Variants in GABRB2 observed in about 807,000 individuals in gnomAD.
The protein encoded by GABRB2 is gamma-aminobutyric acid type A receptor subunit beta2, also known as gamma-aminobutyric acid receptor subunit beta-2.
Under a neutral mutation model 54.7 loss-of-function variants are expected in GABRB2, and 16 were observed. That is an observed-to-expected ratio of 0.29 (90% CI 0.20 to 0.44). GABRB2 has a LOEUF of 0.44. Among genes scored for constraint, GABRB2 ranks in the 20% least tolerant of loss-of-function variants. The pLI, the probability that GABRB2 is intolerant of heterozygous loss-of-function variation, is 1.00. For synonymous variants in GABRB2, 244 were observed against 233.8 expected (o/e 1.04, Z -0.40); for missense variants, 355 against 644.0 (o/e 0.55, Z 4.86).
At chr5:161,462,419 A>C (rs1476011968) in intron 3 of GABRB2, among the ~76,000 whole-genome samples, 1 of 152,216 alleles carries the variant, frequency 6.6e-6, no homozygotes, top group Non-Finnish European at 1.5e-5. Context: ...AAAATAAAAC[A>C]TGCAATTAAT....
chr5:161,329,065 G>A (rs1753751674), intron 8 of GABRB2, among the ~76,000 whole-genome samples: 1 of 152,038 alleles, frequency 6.6e-6, no homozygotes, highest in Admixed American at 6.6e-5. Context: ...AGCTCTGCAG[G>A]TTCAGTTTGT....
chr5:161,377,928 AT>A (rs1755357702), intron 5 of GABRB2, among the ~76,000 whole-genome samples: 1 of 152,034 alleles, frequency 6.6e-6, no homozygotes, highest in South Asian at 2.1e-4. Flanking sequence ...ATTTGTATGT[AT>A]TTTTATTACA....
intron 3 of GABRB2, among the ~76,000 whole-genome samples, chr5:161,520,572 A>T (rs1760083141): frequency 6.6e-6 from 1 of 152,060 alleles, no homozygotes; most frequent in Non-Finnish European, 1.5e-5. Context: ...ATCTTCACCC[A>T]ACTTCAAGAG....
At position 161,545,297 on chromosome 5, in the gene GABRB2, G is replaced by T; in HGVS notation, c.170-3C>A. The T allele has an allele frequency of 6.3e-7, 1 of 1,592,884 alleles. No homozygotes were observed. The highest frequency in any genetic ancestry group is 1.8e-5 in the Admixed American group (1 of 55,140). On this transcript the variant is annotated splice_polypyrimidine_tract_variant and splice_region_variant and intron_variant, in intron 2 of 9. Transcript: ENST00000393959. Reference sequence around the variant, plus strand: ...CATCCCCACAGCCACGGGGGGACCTGCAAAGCAAGACGGCCAGCCACGTGA... The same window carrying T: ...CATCCCCACAGCCACGGGGGGACCTTCAAAGCAAGACGGCCAGCCACGTGA...
intron 9 of GABRB2, among the ~76,000 whole-genome samples, chr5:161,322,840 T>G (rs1758251526): frequency 6.6e-6 from 1 of 152,160 alleles, no homozygotes; most frequent in Non-Finnish European, 1.5e-5. Context: ...AGGATTGCTT[T>G]GCCTTCATTT....
intron 5 of GABRB2, among the ~76,000 whole-genome samples, chr5:161,339,420 T>A (rs930346477): frequency 2.6e-5 from 4 of 152,056 alleles, no homozygotes; most frequent in Non-Finnish European, 5.9e-5. Context: ...GATACTGGGT[T>A]TAAGATGCCC....
intron 4 of GABRB2, among the ~76,000 whole-genome samples, chr5:161,433,201 T>C (rs1364848187): frequency 6.6e-6 from 1 of 152,158 alleles, no homozygotes; most frequent in Non-Finnish European, 1.5e-5. Flanking sequence ...CATGTATATA[T>C]CTACAGATAA....
chr5:161,300,942 T>G (rs1228026164), intron 9 of GABRB2, among the ~76,000 whole-genome samples: 3 of 152,158 alleles, frequency 2.0e-5, no homozygotes, highest in African/African-American at 7.2e-5. Flanking sequence ...CAGCTTCCAT[T>G]TATTGAGTAT....
intron 3 of GABRB2, among the ~76,000 whole-genome samples, chr5:161,469,279 TG>T (rs1306283608): frequency 1.3e-5 from 2 of 151,900 alleles, no homozygotes; most frequent in African/African-American, 2.4e-5. Flanking sequence ...TTTCAGAGGT[TG>T]GTATGAAGAG....
intron 9 of GABRB2, among the ~76,000 whole-genome samples, chr5:161,297,205 T>C (rs1757403937): frequency 6.6e-6 from 1 of 152,134 alleles, no homozygotes; most frequent in South Asian, 2.1e-4. Context: ...TGAACACCTG[T>C]ATCAATTTAT....
rs143585939 is a variant in GABRB2, at chr5:161,500,770, G to A, written c.238-40926C>T. On this transcript the variant is annotated intron_variant, in intron 3 of 9. Coordinates refer to ENST00000393959, the MANE Select transcript of GABRB2 (RefSeq NM_001371727.1). ...GATGTTTCCAAACATAACAGGCAAT[G>A]TCAAAATTTCCCCCAAATGTTTTAA... is the stretch of plus-strand genomic sequence containing the variant. 1.4e-3 allele frequency among the ~76,000 whole-genome samples: 220 copies of A among 152,200 alleles called. 1 individual carries two copies. The highest frequency in any genetic ancestry group is 5.1e-3 in the African/African-American group (210 of 41,532).
At chr5:161,423,871 T>C (rs1042807401) in intron 4 of GABRB2, among the ~76,000 whole-genome samples, 3 of 152,180 alleles carry the variant, frequency 2.0e-5, no homozygotes, top group African/African-American at 7.2e-5. Context: ...TTTAAAGTTC[T>C]ATGCCAGTGA....
intron 9 of GABRB2, among the ~76,000 whole-genome samples, chr5:161,317,150 C>T (rs140007518): frequency 4.6e-5 from 7 of 152,098 alleles, no homozygotes; most frequent in South Asian, 4.1e-4. Flanking sequence ...CACACTCACA[C>T]GCTTATGTAT....
intron 5 of GABRB2, among the ~76,000 whole-genome samples, chr5:161,338,306 A>G (rs1004580309): frequency 5.3e-5 from 8 of 152,218 alleles, no homozygotes; most frequent in African/African-American, 1.9e-4. Flanking sequence ...TAATACCACA[A>G]CAGAAGCCCT....
intron 5 of GABRB2, among the ~76,000 whole-genome samples, chr5:161,349,301 A>G (rs1437169900): frequency 2.0e-5 from 3 of 152,140 alleles, no homozygotes; most frequent in Admixed American, 2.0e-4. Flanking sequence ...ATATTAAATG[A>G]TTATTAAGAT....
intron 5 of GABRB2, among the ~76,000 whole-genome samples, chr5:161,393,881 C>T (rs1755913261): frequency 1.3e-5 from 2 of 152,100 alleles, no homozygotes; most frequent in South Asian, 2.1e-4. Flanking sequence ...TATGAACAAC[C>T]ACATTAACCA....
At chr5:161,487,198 C>A (rs1758952468) in intron 3 of GABRB2, among the ~76,000 whole-genome samples, 2 of 151,856 alleles carry the variant, frequency 1.3e-5, no homozygotes, top group South Asian at 4.2e-4. Context: ...CGGTGACAAG[C>A]CAATCAGGAA....
intron 3 of GABRB2, among the ~76,000 whole-genome samples, chr5:161,487,427 A>G (rs915650305): frequency 1.3e-5 from 2 of 151,926 alleles, no homozygotes; most frequent in African/African-American, 4.8e-5. Context: ...GAAAAATGCC[A>G]TGCATGATCA....
chr5:161,377,412 T>C (rs1043040626), intron 5 of GABRB2, among the ~76,000 whole-genome samples: 2 of 152,128 alleles, frequency 1.3e-5, no homozygotes, highest in African/African-American at 2.4e-5. Context: ...TGTTTACTGA[T>C]GGAGAAATAT....
Sources: gnomAD v4.1 joint callset for allele counts (sites outside exome capture counted in the v4.1 genomes callset) on GRCh38, gnomAD v4.1.1 for gene constraint, MANE v1.5 for transcripts, NCBI Gene and HGNC (gene_info 2026-07-23, HGNC 2026-07-21) for gene names.